The following LINGO1 variants were observed in gnomAD, a reference collection of about 807,000 sequenced individuals.
The protein encoded by LINGO1 is leucine rich repeat and Ig domain containing 1.
A neutral mutation model predicts 37.3 loss-of-function variants in LINGO1; 11 were observed. That is an observed-to-expected ratio of 0.29 (90% CI 0.19 to 0.49). The LOEUF (loss-of-function observed/expected upper bound fraction) is 0.49. Ranked by LOEUF, LINGO1 falls within the 20% of genes least tolerant of loss-of-function variation. The pLI is 0.99. For missense variants in LINGO1, 585 were observed against 878.2 expected, an observed-to-expected ratio of 0.67 and a Z score of 4.22; for synonymous variants, 387 against 403.0, an observed-to-expected ratio of 0.96 and a Z score of 0.48.
rs763190818 is a variant in LINGO1, at chr15:77,719,103, C to T, written c.-195+15889G>A. On this transcript the variant is annotated intron_variant, in intron 2 of 3. Coordinates refer to the LINGO1 transcript ENST00000561686. ...AGGGTCCAGAGAGAACTGGGGCCTC[C>T]GGGAGGGGGCCAGTTGACTGGGCAG... 4.0e-5 allele frequency among the ~76,000 whole-genome samples: 6 copies of T among 149,956 alleles called. 1 individual carries two copies. Among genetic ancestry groups the T allele is most frequent in the African/African-American group, 7.3e-5 (3 of 41,314 alleles).
At chr15:77,807,027 C>T (rs958841377) in intron 1 of LINGO1, among the ~76,000 whole-genome samples, 1 of 152,238 alleles carries the variant, frequency 6.6e-6, no homozygotes, top group African/African-American at 2.4e-5. Context: ...GCAGCCTCGG[C>T]TCCAGCCACA....
intron 3 of LINGO1, among the ~76,000 whole-genome samples, chr15:77,654,594 C>A (rs571113515): frequency 2.0e-5 from 3 of 151,944 alleles, no homozygotes; most frequent in Non-Finnish European, 4.4e-5. Context: ...CTGTGGCCCA[C>A]CGGAGATGCT....
chr15:77,656,126 A>G (rs2074860476), intron 3 of LINGO1, among the ~76,000 whole-genome samples: 1 of 152,218 alleles, frequency 6.6e-6, no homozygotes, highest in South Asian at 2.1e-4. Flanking sequence ...AAGGGCCCAA[A>G]GAGTTGACTT....
At chr15:77,652,292 C>T (rs1454381575) in intron 3 of LINGO1, 1 of 152,156 alleles carries the variant, frequency 6.6e-6, no homozygotes, top group African/African-American at 2.4e-5. Flanking sequence ...AGAGTTACTA[C>T]TATTCTTGTT....
At chr15:77,793,475 GC>G (rs1392018070) in intron 2 of LINGO1, among the ~76,000 whole-genome samples, 3 of 152,022 alleles carry the variant, frequency 2.0e-5, no homozygotes, top group Non-Finnish European at 4.4e-5. Context: ...GCCAGCCCTG[GC>G]CCTGCCACTC....
At chr15:77,626,535 C>T (rs2074095274) in intron 1 of LINGO1, among the ~76,000 whole-genome samples, 1 of 152,204 alleles carries the variant, frequency 6.6e-6, no homozygotes. Context: ...CAGACACATA[C>T]AGGAGGAATG....
At chr15:77,736,211 A>C (rs1251651831) in intron 1 of LINGO1, among the ~76,000 whole-genome samples, 1 of 152,226 alleles carries the variant, frequency 6.6e-6, no homozygotes, top group Non-Finnish European at 1.5e-5. Flanking sequence ...CTGAAGGGGT[A>C]GGATCACTTG....
chr15:77,751,964 T>C (rs1400480220), intron 1 of LINGO1, among the ~76,000 whole-genome samples: 2 of 152,148 alleles, frequency 1.3e-5, no homozygotes, highest in African/African-American at 2.4e-5. Flanking sequence ...GGAGCCGCCC[T>C]CTCACATGTG....
At chr15:77,811,794 G>A (rs964010719) in intron 1 of LINGO1, among the ~76,000 whole-genome samples, 4 of 152,212 alleles carry the variant, frequency 2.6e-5, no homozygotes, top group African/African-American at 9.6e-5. Context: ...GAAAAGGCTT[G>A]ATGTCTATAA....
chr15:77,706,725 CAAG>C (rs1162717942), intron 2 of LINGO1, among the ~76,000 whole-genome samples: 2 of 152,244 alleles, frequency 1.3e-5, no homozygotes, highest in Non-Finnish European at 2.9e-5. Context: ...ATCCTGACCC[CAAG>C]AAGAACTGTG....
At chr15:77,812,323 T>A (rs899771783) in intron 1 of LINGO1, among the ~76,000 whole-genome samples, 1 of 152,120 alleles carries the variant, frequency 6.6e-6, no homozygotes, top group Non-Finnish European at 1.5e-5. Context: ...CCCCTACCGG[T>A]GGAGCAGAAA....
chr15:77,762,937 C>A (rs548562232), intron 1 of LINGO1, among the ~76,000 whole-genome samples: 12 of 152,320 alleles, frequency 7.9e-5, no homozygotes, highest in African/African-American at 2.9e-4. Flanking sequence ...CACCCCAGCA[C>A]CAGCTCCAGG....
chr15:77,750,595 TCCAC>T (rs982878171), intron 1 of LINGO1, among the ~76,000 whole-genome samples: 1 of 152,156 alleles, frequency 6.6e-6, no homozygotes, highest in African/African-American at 2.4e-5. Flanking sequence ...TCTGGTCTGG[TCCAC>T]CCACCCAACC....
intron 1 of LINGO1, among the ~76,000 whole-genome samples, chr15:77,779,643 G>C (rs2076695700): frequency 6.6e-6 from 1 of 152,110 alleles, no homozygotes. Flanking sequence ...TGATCTTATG[G>C]GGGCGGAGCT....
intron 2 of LINGO1, among the ~76,000 whole-genome samples, chr15:77,795,059 G>A (rs1454465890): frequency 2.0e-5 from 3 of 152,074 alleles, no homozygotes; most frequent in African/African-American, 4.8e-5. Context: ...AGGACAATAC[G>A]CCAGGCCAGC....
chr15:77,657,439 T>C (rs1011812331), intron 3 of LINGO1, among the ~76,000 whole-genome samples: 1 of 152,182 alleles, frequency 6.6e-6, no homozygotes, highest in Admixed American at 6.5e-5. Context: ...CCATTCTCTC[T>C]GGGTGTCCTG....
chr15:77,617,369 CA>C (rs5813873), intron 1 of LINGO1, among the ~76,000 whole-genome samples: 13,791 of 152,210 alleles, frequency 0.091, 783 homozygotes, highest in Non-Finnish European at 0.13. Flanking sequence ...GGAGCTGCTC[CA>C]GGGGTGGATC....
intron 1 of LINGO1, among the ~76,000 whole-genome samples, chr15:77,762,762 C>T (rs1328138909): frequency 6.6e-6 from 1 of 152,218 alleles, no homozygotes; most frequent in Non-Finnish European, 1.5e-5. Flanking sequence ...CCCTGACCCA[C>T]CACCCGAGAG....
intron 1 of LINGO1, among the ~76,000 whole-genome samples, chr15:77,772,363 C>T (rs1318963972): frequency 2.6e-5 from 4 of 152,206 alleles, no homozygotes; most frequent in Admixed American, 6.5e-5. Context: ...TTTAACTTCC[C>T]GTAACCTCGG....
Sources: allele counts gnomAD v4.1 joint callset (sites outside exome capture counted in the v4.1 genomes callset), GRCh38; gene constraint gnomAD v4.1.1; transcripts MANE v1.5; gene names NCBI Gene and HGNC (gene_info 2026-07-23, HGNC 2026-07-21).